IQCM: variants seen among roughly 807,000 people sequenced by gnomAD.
The protein encoded by IQCM is IQ domain-containing protein M.
Under a neutral mutation model 57.6 loss-of-function variants are expected in IQCM, and 45 were observed. The ratio of observed to expected loss-of-function variants is 0.78; its 90% CI spans 0.62 to 1.00. The LOEUF (loss-of-function observed/expected upper bound fraction) is 1.00. Ranked by LOEUF, IQCM falls within the 50% of genes least tolerant of loss-of-function variation. The pLI is 0.00. For missense variants in IQCM, 468 were observed against 511.6 expected (o/e 0.91, Z 0.82); for synonymous variants, 148 against 158.9 (o/e 0.93, Z 0.51).
At chr4:149,503,363 T>C (rs1276943361) in intron 12 of IQCM, among the ~76,000 whole-genome samples, 1 of 152,300 alleles carries the variant, frequency 6.6e-6, no homozygotes, top group Admixed American at 6.5e-5. Flanking sequence ...CACACGGCTA[T>C]ACATAGCAGT....
intron 7 of IQCM, among the ~76,000 whole-genome samples, chr4:149,659,340 C>G (rs1759948873): frequency 6.6e-6 from 1 of 152,046 alleles, no homozygotes; most frequent in African/African-American, 2.4e-5. Context: ...AGGATACAAA[C>G]AAATGGAAGA....
intron 8 of IQCM, among the ~76,000 whole-genome samples, chr4:149,613,983 G>T (rs1028828551): frequency 6.6e-6 from 1 of 151,996 alleles, no homozygotes; most frequent in South Asian, 2.1e-4. Flanking sequence ...TGGACATTTG[G>T]GTTGGTTCCA....
chr4:149,443,085 G>A (rs540634223), intron 12 of IQCM, among the ~76,000 whole-genome samples: 43 of 152,056 alleles, frequency 2.8e-4, no homozygotes, highest in African/African-American at 9.6e-4. Flanking sequence ...GGAAAAGCAA[G>A]TTGAAACTCT....
chr4:149,804,568 A>G (rs1773903327), intron 2 of IQCM, among the ~76,000 whole-genome samples: 1 of 152,108 alleles, frequency 6.6e-6, no homozygotes, highest in African/African-American at 2.4e-5. Flanking sequence ...TTGTGAAGAC[A>G]GAAGTGTTGA....
At chr4:149,635,972 C>T (rs556081749) in intron 7 of IQCM, among the ~76,000 whole-genome samples, 4 of 152,072 alleles carry the variant, frequency 2.6e-5, no homozygotes, top group African/African-American at 7.2e-5. Context: ...TGCATTACAC[C>T]AACTTTTAGG....
At chr4:149,693,374 C>T (rs990332971) in intron 5 of IQCM, among the ~76,000 whole-genome samples, 4 of 152,128 alleles carry the variant, frequency 2.6e-5, no homozygotes, top group Middle Eastern at 3.2e-3. Flanking sequence ...ATTTGAATAG[C>T]CGACTATCTC....
intron 11 of IQCM, among the ~76,000 whole-genome samples, chr4:149,549,509 C>T (rs952442020): frequency 1.3e-5 from 2 of 152,042 alleles, no homozygotes; most frequent in African/African-American, 4.8e-5. Context: ...CAGAGCGAGA[C>T]TCCGTCTCAA....
In IQCM at chr4:149,682,175, G is replaced by A; in HGVS notation, c.508C>T (p.Pro170Ser). Residue 170 changes from proline to serine, a missense_variant, in exon 7 of 14, where the codon CCT becomes TCT. Physicochemically the swap from Pro to Ser is moderately conservative, Grantham distance 74. Transcript: ENST00000636793. ...NRMLELLYPF[P>S]VHLYLQPGTS... ...CCAGGTTGTAAGTAAAGATGGACAGGAAAGGGATAGAGTAATTCCAACATT... is the reference window on the plus strand; with the variant it reads ...CCAGGTTGTAAGTAAAGATGGACAGAAAAGGGATAGAGTAATTCCAACATT... The A allele has an allele frequency of 8.2e-7, 1 of 1,225,172 alleles. No homozygotes were observed. The highest frequency in any genetic ancestry group is 1.0e-6 in the Non-Finnish European group (1 of 982,152). 75.9% of individuals were successfully genotyped at this position (1,225,172 alleles called of 1,614,324 possible).
intron 13 of IQCM, among the ~76,000 whole-genome samples, chr4:149,381,153 C>T (rs916932665): frequency 2.0e-5 from 3 of 152,134 alleles, no homozygotes; most frequent in East Asian, 1.9e-4. Flanking sequence ...CCCCATAGCA[C>T]GTCCTGCTGA....
At chr4:149,648,754 G>T (rs910542449) in intron 7 of IQCM, among the ~76,000 whole-genome samples, 7 of 152,168 alleles carry the variant, frequency 4.6e-5, no homozygotes, top group South Asian at 2.1e-4. Flanking sequence ...GTTGTGGGGT[G>T]GGGGGAGAAG....
At chr4:149,574,670 C>T (rs78697052) in intron 9 of IQCM, among the ~76,000 whole-genome samples, 3 of 151,910 alleles carry the variant, frequency 2.0e-5, no homozygotes, top group African/African-American at 2.4e-5. Context: ...CAGGGAATTT[C>T]CTTTCAACTG....
intron 10 of IQCM, among the ~76,000 whole-genome samples, chr4:149,560,610 AT>A (rs1223956423): frequency 2.0e-5 from 3 of 152,204 alleles, no homozygotes; most frequent in Admixed American, 2.0e-4. Flanking sequence ...GGAAAAGGAC[AT>A]TTTTAATTGT....
intron 2 of IQCM, among the ~76,000 whole-genome samples, chr4:149,794,285 C>T (rs1772910523): frequency 6.6e-6 from 1 of 152,192 alleles, no homozygotes; most frequent in African/African-American, 2.4e-5. Flanking sequence ...GGCAGAAATG[C>T]CATATGACAC....
At chr4:149,810,204 A>T (rs149414099) in intron 2 of IQCM, among the ~76,000 whole-genome samples, 2,244 of 151,768 alleles carry the variant, frequency 0.015, 28 homozygotes, top group South Asian at 0.047. Context: ...GGGCAACATG[A>T]TGAAACCCAT....
intron 2 of IQCM, among the ~76,000 whole-genome samples, chr4:149,774,013 A>G (rs1031013343): frequency 3.2e-4 from 49 of 152,142 alleles, no homozygotes; most frequent in African/African-American, 1.2e-3. Context: ...TATACCTTAT[A>G]TATTTGTGTA....
intron 6 of IQCM, among the ~76,000 whole-genome samples, chr4:149,683,533 T>TATCC (rs1000114723): frequency 3.3e-5 from 5 of 151,318 alleles, no homozygotes; most frequent in African/African-American, 1.2e-4. Flanking sequence ...AGGACTGAGG[T>TATCC]ATCCCTTAAG....
intron 5 of IQCM, among the ~76,000 whole-genome samples, chr4:149,700,810 T>G (rs1763711006): frequency 6.6e-6 from 1 of 151,986 alleles, no homozygotes; most frequent in Non-Finnish European, 1.5e-5. Flanking sequence ...AAATAAGCTA[T>G]AAACAACTTA....
intron 5 of IQCM, among the ~76,000 whole-genome samples, chr4:149,703,991 G>A (rs1283128113): frequency 6.6e-6 from 1 of 151,630 alleles, no homozygotes; most frequent in African/African-American, 2.4e-5. Flanking sequence ...CCAAATGTAT[G>A]GTCTTTGTGA....
chr4:149,508,417 G>A (rs184439581), intron 12 of IQCM, among the ~76,000 whole-genome samples: 128 of 152,304 alleles, frequency 8.4e-4, no homozygotes, highest in African/African-American at 2.8e-3. Flanking sequence ...AGCTACCCAA[G>A]ACCATGGGAA....
Sources: allele counts gnomAD v4.1 joint callset (sites outside exome capture counted in the v4.1 genomes callset), GRCh38; gene constraint gnomAD v4.1.1; transcripts MANE v1.5; gene names NCBI Gene and HGNC (gene_info 2026-07-23, HGNC 2026-07-21).